The following PNRC1 variants were observed in gnomAD, a reference collection of about 807,000 sequenced individuals.
The protein encoded by PNRC1 is proline rich nuclear receptor coactivator 1.
A neutral mutation model predicts 20.2 loss-of-function variants in PNRC1; 6 were observed. That is an observed-to-expected ratio of 0.30 (90% CI 0.16 to 0.59). The LOEUF (loss-of-function observed/expected upper bound fraction) is 0.59. PNRC1 is among the 20% of genes least tolerant of loss of function. The probability of loss-of-function intolerance (pLI) is 0.89; values close to 1 mark genes in which losing one functional copy is unlikely to be tolerated. For synonymous variants in PNRC1, 202 were observed against 186.9 expected (o/e 1.08, Z -0.66); for missense variants, 488 against 430.2 (o/e 1.13, Z -1.19).
rs530280979 is a variant in PNRC1, at chr6:89,080,858, T to C, written c.-37T>C. The C allele has an allele frequency of 8.8e-6, 14 of 1,599,246 alleles. No homozygotes were observed. The highest frequency in any genetic ancestry group is 1.7e-5 in the Admixed American group (1 of 59,994). On this transcript the variant is annotated 5_prime_UTR_variant, in exon 1 of 2. Transcript: ENST00000336032. ...TCACTGGCTTCATTCACCTTCTCCT[T>C]CTCTCTTCGTTGCTGAGCGACAAGC...
At chr6:89,083,373 A>T (rs1768045652) in intron 1 of PNRC1, among the ~76,000 whole-genome samples, 1 of 152,198 alleles carries the variant, frequency 6.6e-6, no homozygotes. Context: ...ATATTTCGTG[A>T]TGCTGAGGTT....
chr6:89,080,817 C>G lies in PNRC1; in HGVS notation c.-78C>G. The G allele has an allele frequency of 7.0e-7, 1 of 1,427,216 alleles. No individual in the cohort carries two copies. The highest frequency in any genetic ancestry group is 9.7e-7 in the Non-Finnish European group (1 of 1,032,430). 88.4% of individuals were successfully genotyped at this position (1,427,216 alleles called of 1,614,324 possible). ...CTCAGGCTCTCCTAGCAGCATCCAT[C>G]GCCGCCACCCTATCTTCACTGGCTT... On this transcript the variant is annotated 5_prime_UTR_variant, in exon 1 of 2. The change creates a new upstream start codon in the 5' untranslated region. Transcript: ENST00000336032.
At position 89,084,908 on chromosome 6, in the gene PNRC1, T is replaced by C. The variant is rs1272847548; in HGVS notation, c.*712T>C. 6.6e-6 allele frequency: 1 copy of C among 152,202 alleles called. No individual in the cohort carries two copies. Among genetic ancestry groups the C allele is most frequent in the Non-Finnish European group, 1.5e-5 (1 of 68,048 alleles). The allele number at this position is 152,202 out of a possible 1,614,324, so 9.4% of individuals were successfully genotyped here. ...GTGACTAGGAGATGATTTTGTGTGG[T>C]TGGATTTTTTTGACTTCTACTTTAC... On this transcript the variant is annotated 3_prime_UTR_variant, in exon 2 of 2. Transcript: ENST00000336032.
chr6:89,083,300 T>G (rs1416484165), intron 1 of PNRC1, among the ~76,000 whole-genome samples: 2 of 152,328 alleles, frequency 1.3e-5, no homozygotes, highest in East Asian at 3.9e-4. Flanking sequence ...CAATTAAAGT[T>G]TTTGTAATTT....
At position 89,080,900 on chromosome 6, in the gene PNRC1, TGTC is replaced by T. The variant is rs1767964954; in HGVS notation, c.10_12del (p.Val4del). The T allele has an allele frequency of 6.2e-7, 1 of 1,610,886 alleles. No homozygotes were observed. Among genetic ancestry groups the T allele is most frequent in the Non-Finnish European group, 8.5e-7 (1 of 1,179,986 alleles). The stretch of plus-strand genomic sequence containing the variant: ...GCGACAAGCTTCCTAGCGCTATGAC[TGTC>T]GTCTCCGTCCCGCAGCGGGAGCCGC... On this transcript the variant is annotated inframe_deletion, in exon 1 of 2. Coordinates refer to ENST00000336032, the MANE Select transcript of PNRC1 (RefSeq NM_006813.3).
At position 89,083,813 on chromosome 6, in the gene PNRC1, C is replaced by T; in HGVS notation, c.601C>T (p.His201Tyr). The change falls in exon 2 of 2, where the codon CAT becomes TAT. Residue 201 changes from histidine to tyrosine, a missense_variant. His to Tyr is a moderately conservative substitution (Grantham distance 83). Transcript: ENST00000336032. ...KIALPHGQLV[H>Y]GIHLYEQPKI... ...TGCCCTTCCCCATGGCCAGCTTGTTCATGGTATACACTTGTATGAGCAACC... is the reference window on the plus strand; with the variant it reads ...TGCCCTTCCCCATGGCCAGCTTGTTTATGGTATACACTTGTATGAGCAACC... 1 of 1,606,826 alleles carries T rather than the reference C, an allele frequency of 6.2e-7. No homozygotes were observed. The highest frequency in any genetic ancestry group is 8.5e-7 in the Non-Finnish European group (1 of 1,178,104).
chr6:89,083,550 C>A (rs145171863), intron 1 of PNRC1, among the ~76,000 whole-genome samples: 1,897 of 152,130 alleles, frequency 0.012, 28 homozygotes, highest in Non-Finnish European at 0.016. Flanking sequence ...TGAGAACTTG[C>A]GATATTTGGT....
rs758713812 is a variant in PNRC1, at chr6:89,084,764, C to T, written c.*568C>T. The T allele has an allele frequency of 1.3e-5, 2 of 152,534 alleles. No homozygotes were observed. The highest frequency in any genetic ancestry group is 2.4e-5 in the African/African-American group (1 of 41,450). 9.4% of individuals were successfully genotyped at this position (152,534 alleles called of 1,614,324 possible). ...GTATATATCCATTCCAGCTTAATGC[C>T]TCTAATTTTAATGCCAACAAAATTG... On this transcript the variant is annotated 3_prime_UTR_variant, in exon 2 of 2. Transcript: ENST00000336032.
intron 1 of PNRC1, among the ~76,000 whole-genome samples, chr6:89,083,359 G>A (rs1768045346): frequency 6.6e-6 from 1 of 152,178 alleles, no homozygotes; most frequent in Admixed American, 6.5e-5. Flanking sequence ...TTTGCTACAT[G>A]GGTATATTTC....
rs373592985 is a variant in PNRC1 at position 89,084,049 on chromosome 6, T to C, written c.837T>C (p.Tyr279=). 13 of 1,614,072 alleles carry C rather than the reference T, an allele frequency of 8.1e-6. No individual in the cohort carries two copies. The African/African-American group carries it at 1.5e-4, about 18-fold the overall frequency. Residue 279 remains tyrosine (Y), a synonymous_variant, in exon 2 of 2, where the codon TAT becomes TAC. Coordinates refer to ENST00000336032, the MANE Select transcript of PNRC1 (RefSeq NM_006813.3). Reference sequence around the variant, plus strand: ...CTGAAGTGAGCCAAAAGGAAAATTATGCTGGGGCAAAGTTTAGTGATCCAC... The same window carrying C: ...CTGAAGTGAGCCAAAAGGAAAATTACGCTGGGGCAAAGTTTAGTGATCCAC... The part of the protein sequence containing the change: ...FLTEVSQKEN[Y]AGAKFSDPPS...
At position 89,081,011 on chromosome 6, in the gene PNRC1, G is replaced by A. The variant is rs148016809; in HGVS notation, c.117G>A (p.Pro39=). The change falls in exon 1 of 2, where the codon CCG becomes CCA. Residue 39 remains proline (P), a synonymous_variant. Coordinates refer to ENST00000336032, the MANE Select transcript of PNRC1 (RefSeq NM_006813.3). ...CCCTCCCGATGGTGACCACGGCTCC[G>A]CCTCCTTTACCCCGGATCCCGGACC... ...FGALPMVTTA[P]PPLPRIPDPR... 4.3e-5 allele frequency: 70 copies of A among 1,612,348 alleles called. No homozygotes were observed. The Admixed American group carries it at 5.3e-4, about 12-fold the overall frequency.
intron 1 of PNRC1, chr6:89,081,943 G>C (rs1368136949): frequency 6.6e-6 from 1 of 152,352 alleles, no homozygotes; most frequent in Non-Finnish European, 1.5e-5. Context: ...GGCCTCTAAC[G>C]TCCCGCCGTA....
intron 1 of PNRC1, 87 bp from the exon 2 acceptor site, chr6:89,083,666 A>G (rs1413414082): frequency 1.9e-6 from 2 of 1,025,828 alleles, no homozygotes; most frequent in African/African-American, 1.6e-5. Context: ...GCAAACTTAA[A>G]CACAACAAAA....
At position 89,083,958 on chromosome 6, in the gene PNRC1, A is replaced by G. The variant is rs1407600853; in HGVS notation, c.746A>G (p.Glu249Gly). Residue 249 changes from glutamate to glycine, a missense_variant, in exon 2 of 2, where the codon GAA (glutamate) becomes GGA (glycine). Transcript: ENST00000336032. The stretch of plus-strand genomic sequence containing the variant: ...TCATCTGACAGAATTCAGAAGCAGG[A>G]AAAAAAGCCTTTTAAAAATACCGAG... Reference protein sequence around the residue: ...SVSSDRIQKQEKKPFKNTENI... With the variant: ...SVSSDRIQKQGKKPFKNTENI... 1 of 1,613,730 alleles carries G rather than the reference A, an allele frequency of 6.2e-7. No homozygotes were observed. The highest frequency in any genetic ancestry group is 1.7e-5 in the Admixed American group (1 of 59,932).
chr6:89,080,804 T>C lies in PNRC1; in HGVS notation c.-91T>C, dbSNP rs976791930. The C allele has an allele frequency of 1.5e-5, 19 of 1,269,682 alleles. No homozygotes were observed. The highest frequency in any genetic ancestry group is 4.4e-5 in the African/African-American group (3 of 68,176). 78.7% of individuals were successfully genotyped at this position (1,269,682 alleles called of 1,614,324 possible). A position where few individuals can be genotyped will look rare whatever the true frequency, so the allele number is the denominator to read the frequency against. The stretch of plus-strand genomic sequence containing the variant: ...GTTCCGCGATCTTCTCAGGCTCTCC[T>C]AGCAGCATCCATCGCCGCCACCCTA... On this transcript the variant is annotated 5_prime_UTR_variant, in exon 1 of 2. The change abolishes the stop of an existing upstream ORF in the 5' untranslated region. Coordinates refer to ENST00000336032, the MANE Select transcript of PNRC1 (RefSeq NM_006813.3).
chr6:89,081,395 G>A lies in PNRC1; in HGVS notation c.501G>A (p.Leu167=). The A allele has an allele frequency of 1.5e-6, 2 of 1,350,418 alleles. No homozygotes were observed. The highest frequency in any genetic ancestry group is 1.9e-6 in the Non-Finnish European group (2 of 1,059,596). 83.7% of individuals were successfully genotyped at this position (1,350,418 alleles called of 1,614,324 possible). A position where few individuals can be genotyped will look rare whatever the true frequency, so the allele number is the denominator to read the frequency against. The change falls in exon 1 of 2, where the codon CTG becomes CTA. Residue 167 remains leucine (L), a synonymous_variant. Transcript: ENST00000336032. ...GAGCCAGCCCCGACCTTGCCCCGCTGCGGCCCGCGGCTCCCGGCCAAACCC... is the reference window on the plus strand; with the variant it reads ...GAGCCAGCCCCGACCTTGCCCCGCTACGGCCCGCGGCTCCCGGCCAAACCC... ...TEGASPDLAP[L]RPAAPGQTPL... is the part of the protein sequence containing the mutation.
chr6:89,080,818 G>A lies in PNRC1; in HGVS notation c.-77G>A. 2.1e-6 allele frequency: 3 copies of A among 1,435,950 alleles called. No individual in the cohort carries two copies. Among genetic ancestry groups the A allele is most frequent in the Non-Finnish European group, 2.9e-6 (3 of 1,041,110 alleles). 89.0% of individuals were successfully genotyped at this position (1,435,950 alleles called of 1,614,324 possible). On this transcript the variant is annotated 5_prime_UTR_variant, in exon 1 of 2. Transcript: ENST00000336032. ...TCAGGCTCTCCTAGCAGCATCCATC[G>A]CCGCCACCCTATCTTCACTGGCTTC...
At position 89,085,153 on chromosome 6, in the gene PNRC1, G is replaced by C. The variant is rs1768091735; in HGVS notation, c.*957G>C. On this transcript the variant is annotated 3_prime_UTR_variant, in exon 2 of 2. Transcript: ENST00000336032. ...AAAAAAAGGCCAAGAGAAAGTAAGG[G>C]AGACAGATTTTGAGTGGGAATGTTA... 6.6e-6 allele frequency: 1 copy of C among 152,188 alleles called. No homozygotes were observed. The highest frequency in any genetic ancestry group is 2.4e-5 in the African/African-American group (1 of 41,438). The allele number at this position is 152,188 out of a possible 1,614,324, so 9.4% of individuals were successfully genotyped here.
Position 89,084,427 on chromosome 6 carries a change from T to C in PNRC1, c.*231T>C. The C allele has an allele frequency of 2.7e-6, 1 of 371,230 alleles. No homozygotes were observed. The highest frequency in any genetic ancestry group is 5.0e-6 in the Non-Finnish European group (1 of 201,240). The allele number at this position is 371,230 out of a possible 1,614,324, so 23.0% of individuals were successfully genotyped here. Reference sequence around the variant, plus strand: ...TGAGAGGTATATTATAGTTTTGTTATGAAAGTATGTATTTTGCCCTGCCCA... The same window carrying C: ...TGAGAGGTATATTATAGTTTTGTTACGAAAGTATGTATTTTGCCCTGCCCA... On this transcript the variant is annotated 3_prime_UTR_variant, in exon 2 of 2. Coordinates refer to ENST00000336032, the MANE Select transcript of PNRC1 (RefSeq NM_006813.3).
Sources: gnomAD v4.1 joint callset for allele counts (sites outside exome capture counted in the v4.1 genomes callset) on GRCh38, gnomAD v4.1.1 for gene constraint, MANE v1.5 for transcripts, NCBI Gene and HGNC (gene_info 2026-07-23, HGNC 2026-07-21) for gene names.